ZFYVE19: variants seen among roughly 807,000 people sequenced by gnomAD.
The protein encoded by ZFYVE19 is abscission/NoCut checkpoint regulator.
A neutral mutation model predicts 62.8 loss-of-function variants in ZFYVE19; 49 were observed. That is an observed-to-expected ratio of 0.78 (90% CI 0.62 to 0.99). The LOEUF (loss-of-function observed/expected upper bound fraction) is 0.99, where lower values mean the gene tolerates loss of function less well. ZFYVE19 is among the 50% of genes least tolerant of loss of function. The probability of loss-of-function intolerance (pLI) is 0.00; values close to 1 mark genes in which losing one functional copy is unlikely to be tolerated. For missense variants in ZFYVE19, 630 were observed against 601.9 expected, an observed-to-expected ratio of 1.05 and a Z score of -0.49; for synonymous variants, 242 against 234.3, an observed-to-expected ratio of 1.03 and a Z score of -0.30.
intron 5 of ZFYVE19, 65 bp downstream of exon 5, chr15:40,810,281 A>G: frequency 6.9e-6 from 11 of 1,594,572 alleles, no homozygotes; most frequent in Non-Finnish European, 9.4e-6. Flanking sequence ...AAGCCCAGAT[A>G]CAGGTATTGG....
chr15:40,809,946 C>T lies in ZFYVE19; in HGVS notation c.547C>T (p.Arg183Ter), dbSNP rs771251472. ...QDQMIAERLA[R>*]LRQENKPKLV... Reference sequence around the variant, plus strand: ...CCAGATGATTGCTGAGCGCCTAGCACGACTCCGCCAGGAGAACAAGCCCAG... The same window carrying T: ...CCAGATGATTGCTGAGCGCCTAGCATGACTCCGCCAGGAGAACAAGCCCAG... Residue 183 changes from arginine to a stop codon, truncating the protein, a stop_gained, in exon 4 of 11, where the codon CGA becomes TGA. Transcript: ENST00000355341. LOFTEE classifies it high-confidence loss of function. The T allele has an allele frequency of 3.0e-5, 48 of 1,614,102 alleles. No homozygotes were observed. Among genetic ancestry groups the T allele is most frequent in the East Asian group, 4.5e-5 (2 of 44,894 alleles).
chr15:40,810,304 GTAAT>G (rs1189705813), intron 5 of ZFYVE19, 88 bp downstream of exon 5: 1 of 1,533,274 alleles, frequency 6.5e-7, no homozygotes, highest in East Asian at 2.3e-5. Flanking sequence ...TGATACAAAA[GTAAT>G]TGTGGTTTTT....
intron 7 of ZFYVE19, 28 bp from the exon 8 acceptor site, chr15:40,813,310 C>T (rs534052286): frequency 6.2e-7 from 1 of 1,607,036 alleles, no homozygotes; most frequent in Admixed American, 1.7e-5. Flanking sequence ...ACTCCCCCAT[C>T]CCCTGTTCCC....
At chr15:40,808,164 T>C in intron 1 of ZFYVE19, 1 of 1,381,148 alleles carries the variant, frequency 7.2e-7, no homozygotes, top group Non-Finnish European at 9.5e-7. Flanking sequence ...ATCTGGCGGT[T>C]TTCTTCTCTC....
chr15:40,807,527 G>A lies in ZFYVE19; in HGVS notation c.-63G>A. ...GACTGCAGGCTCCGAGCGGCGCCTA[G>A]CCCTCTGGGAATTGTGTTCTGGGTC... On this transcript the variant is annotated 5_prime_UTR_variant, in exon 1 of 11. Coordinates refer to ENST00000355341, the MANE Select transcript of ZFYVE19 (RefSeq NM_001077268.2). The A allele has an allele frequency of 1.9e-6, 3 of 1,605,662 alleles. No individual in the cohort carries two copies. Among genetic ancestry groups the A allele is most frequent in the Non-Finnish European group, 2.6e-6 (3 of 1,174,370 alleles).
intron 7 of ZFYVE19, 153 bp from the exon 8 acceptor site, chr15:40,813,185 G>A (rs1359272771): frequency 2.7e-6 from 2 of 730,376 alleles, no homozygotes; most frequent in Non-Finnish European, 4.6e-6. Context: ...GGCAGGCAGG[G>A]ACAGGTCATC....
At position 40,814,392 on chromosome 15, in the gene ZFYVE19, G is replaced by T; in HGVS notation, c.*166G>T. ...GAATGAGGAAAGATTCTCCATTCGA[G>T]AGAATGACTGGGAGGGAAGAAGTCG... On this transcript the variant is annotated 3_prime_UTR_variant, in exon 11 of 11. Transcript: ENST00000355341. The T allele has an allele frequency of 1.3e-6, 1 of 792,752 alleles. No homozygotes were observed. Among genetic ancestry groups the T allele is most frequent in the South Asian group, 1.8e-5 (1 of 55,914 alleles). 49.1% of individuals were successfully genotyped at this position (792,752 alleles called of 1,614,324 possible). A position where few individuals can be genotyped will look rare whatever the true frequency, so the allele number is the denominator to read the frequency against.
At chr15:40,809,351 G>A (rs79608897) in intron 2 of ZFYVE19, 57 bp from the exon 3 acceptor site, 13 of 1,613,442 alleles carry the variant, frequency 8.1e-6, no homozygotes, top group Non-Finnish European at 1.1e-5. Context: ...TGTTTGGAGT[G>A]GGGGGCACTG....
chr15:40,811,702 T>C (rs539019033), intron 6 of ZFYVE19, among the ~76,000 whole-genome samples: 109 of 152,186 alleles, frequency 7.2e-4, no homozygotes, highest in African/African-American at 2.5e-3. Context: ...ATAGCAAGAC[T>C]CTGTTTAAAA....
intron 5 of ZFYVE19, 28 bp downstream of exon 5, chr15:40,810,244 G>C (rs780621635): frequency 1.2e-6 from 2 of 1,612,252 alleles, no homozygotes; most frequent in South Asian, 2.2e-5. Context: ...GGAGAGAAGC[G>C]GGGGTGCTAG....
chr15:40,814,283 G>T lies in ZFYVE19; in HGVS notation c.*57G>T. 1 of 1,599,970 alleles carries T rather than the reference G, an allele frequency of 6.3e-7. No individual in the cohort carries two copies. The highest frequency in any genetic ancestry group is 2.3e-5 in the East Asian group (1 of 44,350). ...CACAGGCAGCGGCACCCATTTCTGG[G>T]CCCAGCCACAGGACGTCCGATGGGA... On this transcript the variant is annotated 3_prime_UTR_variant, in exon 11 of 11. Coordinates refer to ENST00000355341, the MANE Select transcript of ZFYVE19 (RefSeq NM_001077268.2).
At chr15:40,808,562 A>G in intron 1 of ZFYVE19, 2 of 747,212 alleles carry the variant, frequency 2.7e-6, no homozygotes, top group Non-Finnish European at 4.1e-6. Flanking sequence ...TGGATAAGTT[A>G]TGTAACCTCT....
intron 3 of ZFYVE19, 80 bp downstream of exon 3, chr15:40,809,538 C>G: frequency 6.6e-7 from 1 of 1,525,204 alleles, no homozygotes; most frequent in Non-Finnish European, 9.0e-7. Context: ...CCCCCATCTT[C>G]TAGATAAAAT....
At chr15:40,810,583 C>T (rs1243850543) in intron 5 of ZFYVE19, 66 bp from the exon 6 acceptor site, 5 of 1,541,782 alleles carry the variant, frequency 3.2e-6, no homozygotes, top group Non-Finnish European at 4.4e-6. Context: ...TACTTAGCAT[C>T]CATCCCTGAC....
chr15:40,807,142 C>A lies in ZFYVE19; in HGVS notation c.-448C>A, dbSNP rs1188753832. ...TAGGAGACAGGGGCCACGGGGAGAG[C>A]ACAGCCACCCGGCGCGAAGAGCCCT... On this transcript the variant is annotated 5_prime_UTR_variant, in exon 1 of 11. Coordinates refer to ENST00000355341, the MANE Select transcript of ZFYVE19 (RefSeq NM_001077268.2). The A allele has an allele frequency of 2.7e-6, 3 of 1,121,760 alleles. No individual in the cohort carries two copies. In the African/African-American group the frequency reaches 4.7e-5, roughly 18 times the overall value. 69.5% of individuals were successfully genotyped at this position (1,121,760 alleles called of 1,614,324 possible).
intron 6 of ZFYVE19, chr15:40,811,107 G>T: frequency 3.4e-6 from 1 of 297,086 alleles, no homozygotes. Context: ...AATCCAATAA[G>T]TGCTTGGGAA....
chr15:40,809,977 A>G lies in ZFYVE19; in HGVS notation c.571+7A>G. 1 of 1,614,190 alleles carries G rather than the reference A, an allele frequency of 6.2e-7. No individual in the cohort carries two copies. ...CGCCAGGAGAACAAGCCCAGTGAGC[A>G]GGGGCAGATGGGGTTGCCTAGAGGA... On this transcript the variant is annotated splice_region_variant and intron_variant, in intron 4 of 10. Coordinates refer to ENST00000355341, the MANE Select transcript of ZFYVE19 (RefSeq NM_001077268.2).
At position 40,807,379 on chromosome 15, in the gene ZFYVE19, G is replaced by T. The variant is rs147737352; in HGVS notation, c.-211G>T. 9.9e-6 allele frequency: 16 copies of T among 1,614,144 alleles called. No homozygotes were observed. In the African/African-American group the frequency reaches 2.1e-4, roughly 22 times the overall value. On this transcript the variant is annotated 5_prime_UTR_variant, in exon 1 of 11. Coordinates refer to ENST00000355341, the MANE Select transcript of ZFYVE19 (RefSeq NM_001077268.2). ...CGCCACCGTTCTCACCTCTTTGTCC[G>T]CTGCCTTCTCCTCAATGCCTAGCAG...
At chr15:40,810,858 A>C (rs1009985955) in intron 6 of ZFYVE19, 101 bp downstream of exon 6, 8 of 1,436,948 alleles carry the variant, frequency 5.6e-6, no homozygotes, top group Non-Finnish European at 7.5e-6. Flanking sequence ...TAAATCGGAG[A>C]GTGATCAACG....
Sources: allele counts gnomAD v4.1 joint callset (sites outside exome capture counted in the v4.1 genomes callset), GRCh38; gene constraint gnomAD v4.1.1; transcripts MANE v1.5; gene names NCBI Gene and HGNC (gene_info 2026-07-23, HGNC 2026-07-21).